Variants in CTNNBL1 observed in about 807,000 individuals in gnomAD.
The protein encoded by CTNNBL1 is catenin beta like 1.
Under a neutral mutation model 72.7 loss-of-function variants are expected in CTNNBL1, and 31 were observed. That is an observed-to-expected ratio of 0.43 (90% CI 0.32 to 0.58). CTNNBL1 has a LOEUF of 0.58. Ranked by LOEUF, CTNNBL1 falls within the 20% of genes least tolerant of loss-of-function variation. The pLI, the probability that CTNNBL1 is intolerant of heterozygous loss-of-function variation, is 0.08. For synonymous variants in CTNNBL1, 240 were observed against 267.3 expected (o/e 0.90, Z 1.00); for missense variants, 534 against 725.1 (o/e 0.74, Z 3.03).
chr20:37,786,641 A>G (rs1375963264), intron 10 of CTNNBL1, among the ~76,000 whole-genome samples: 1 of 152,052 alleles, frequency 6.6e-6, no homozygotes, highest in Non-Finnish European at 1.5e-5. Context: ...CATTTTGTAT[A>G]TTTGTATACC....
At chr20:37,713,227 G>A (rs2072954338) in intron 1 of CTNNBL1, among the ~76,000 whole-genome samples, 1 of 152,214 alleles carries the variant, frequency 6.6e-6, no homozygotes, top group Admixed American at 6.5e-5. Context: ...CATGACTTGT[G>A]CCAGTGGTTG....
At chr20:37,829,557 C>T (rs2072189828) in intron 11 of CTNNBL1, among the ~76,000 whole-genome samples, 1 of 152,152 alleles carries the variant, frequency 6.6e-6, no homozygotes, top group African/African-American at 2.4e-5. Flanking sequence ...TTTCCAACCT[C>T]ATTACTTTTC....
At chr20:37,835,058 A>G (rs1040581442) in intron 11 of CTNNBL1, among the ~76,000 whole-genome samples, 8 of 152,252 alleles carry the variant, frequency 5.3e-5, no homozygotes, top group Admixed American at 5.2e-4. Context: ...ATTTATAAAG[A>G]GTTCATAGAA....
At chr20:37,856,586 A>G (rs2072443172) in intron 13 of CTNNBL1, among the ~76,000 whole-genome samples, 2 of 150,492 alleles carry the variant, frequency 1.3e-5, no homozygotes, top group Admixed American at 6.6e-5. Context: ...AGCAGAGAGT[A>G]TGGCCAACAC....
At chr20:37,781,082 G>A (rs911918775) in intron 10 of CTNNBL1, among the ~76,000 whole-genome samples, 5 of 152,186 alleles carry the variant, frequency 3.3e-5, no homozygotes, top group African/African-American at 1.2e-4. Flanking sequence ...GCAGAGAGGA[G>A]CATGAGAAAT....
chr20:37,867,691 A>G (rs1488007721), intron 15 of CTNNBL1, among the ~76,000 whole-genome samples: 1 of 151,868 alleles, frequency 6.6e-6, no homozygotes, highest in Non-Finnish European at 1.5e-5. Context: ...TTTTCCTCTT[A>G]CATACACATG....
intron 1 of CTNNBL1, among the ~76,000 whole-genome samples, chr20:37,699,399 G>T (rs2072821016): frequency 6.6e-6 from 1 of 152,202 alleles, no homozygotes; most frequent in South Asian, 2.1e-4. Flanking sequence ...TTCTGAGGTT[G>T]GCAGCATGCC....
chr20:37,780,083 G>A (rs935271904), intron 10 of CTNNBL1, among the ~76,000 whole-genome samples: 1 of 151,050 alleles, frequency 6.6e-6, no homozygotes, highest in Non-Finnish European at 1.5e-5. Context: ...AAAAAATCGA[G>A]CATGTTTATG....
intron 1 of CTNNBL1, among the ~76,000 whole-genome samples, chr20:37,707,437 A>G (rs61587164): frequency 0.053 from 8,084 of 152,300 alleles, 283 homozygotes; most frequent in Middle Eastern, 0.065. Context: ...CTTTCATGTT[A>G]TGGAAGTGGC....
At chr20:37,708,489 C>T (rs1427428197) in intron 1 of CTNNBL1, among the ~76,000 whole-genome samples, 7 of 151,950 alleles carry the variant, frequency 4.6e-5, no homozygotes, top group African/African-American at 1.2e-4. Flanking sequence ...TTTCTTGATG[C>T]GGGGTTTCTA....
At chr20:37,788,624 C>A (rs1006354306) in intron 10 of CTNNBL1, among the ~76,000 whole-genome samples, 2 of 152,232 alleles carry the variant, frequency 1.3e-5, no homozygotes, top group African/African-American at 4.8e-5. Flanking sequence ...TGGCCTGTGC[C>A]CATGCTGGGC....
At chr20:37,782,614 A>G (rs1380969481) in intron 10 of CTNNBL1, among the ~76,000 whole-genome samples, 1 of 152,306 alleles carries the variant, frequency 6.6e-6, no homozygotes, top group East Asian at 1.9e-4. Context: ...AACAAAAATA[A>G]TTTTAATAAT....
At chr20:37,822,587 T>C (rs1474110473) in intron 11 of CTNNBL1, among the ~76,000 whole-genome samples, 1 of 152,200 alleles carries the variant, frequency 6.6e-6, no homozygotes, top group Admixed American at 6.5e-5. Context: ...CACAACTCAT[T>C]CTGCTAAGCA....
chr20:37,741,617 T>C (rs2073216440), intron 3 of CTNNBL1, among the ~76,000 whole-genome samples: 1 of 152,208 alleles, frequency 6.6e-6, no homozygotes, highest in African/African-American at 2.4e-5. Context: ...ACTGGGATTA[T>C]TTTATCTGTT....
chr20:37,716,316 G>A (rs1215675474), intron 1 of CTNNBL1, among the ~76,000 whole-genome samples: 1 of 152,186 alleles, frequency 6.6e-6, no homozygotes, highest in Non-Finnish European at 1.5e-5. Context: ...AGAGAATGTT[G>A]TGATGGTGTG....
intron 11 of CTNNBL1, among the ~76,000 whole-genome samples, chr20:37,839,644 C>A (rs530875529): frequency 6.6e-6 from 1 of 152,302 alleles, no homozygotes; most frequent in South Asian, 2.1e-4. Flanking sequence ...GGGTCCCTAT[C>A]ATATTTCATA....
At chr20:37,723,312 A>G (rs1298772680) in intron 1 of CTNNBL1, among the ~76,000 whole-genome samples, 2 of 152,276 alleles carry the variant, frequency 1.3e-5, no homozygotes, top group Non-Finnish European at 2.9e-5. Flanking sequence ...ATTACAGATC[A>G]TAAGTGAGAC....
chr20:37,757,425 G>C, intron 4 of CTNNBL1, 134 bp from the exon 5 acceptor site: 1 of 562,178 alleles, frequency 1.8e-6, no homozygotes, highest in African/African-American at 1.9e-5. Context: ...TTGTTGAAGA[G>C]ATGTTAATAA....
At chr20:37,795,911 T>A (rs933092643) in intron 10 of CTNNBL1, among the ~76,000 whole-genome samples, 7 of 152,156 alleles carry the variant, frequency 4.6e-5, no homozygotes, top group African/African-American at 1.7e-4. Flanking sequence ...TGAATTTTTT[T>A]TTTTTTTTTT....
Sources: allele counts gnomAD v4.1 joint callset (sites outside exome capture counted in the v4.1 genomes callset), GRCh38; gene constraint gnomAD v4.1.1; transcripts MANE v1.5; gene names NCBI Gene and HGNC (gene_info 2026-07-23, HGNC 2026-07-21).